The following PIGL variants were observed in gnomAD, a reference collection of about 807,000 sequenced individuals.
PIGL encodes the protein phosphatidylinositol glycan anchor biosynthesis class L.
A neutral mutation model predicts 31.1 loss-of-function variants in PIGL; 22 were observed. That is an observed-to-expected ratio of 0.71 (90% CI 0.51 to 1.01). The LOEUF is 1.01. Ranked by LOEUF, PIGL falls within the 50% of genes least tolerant of loss-of-function variation. The probability of loss-of-function intolerance (pLI) is 0.00; values close to 1 mark genes in which losing one functional copy is unlikely to be tolerated. For synonymous variants in PIGL, 131 were observed against 117.4 expected (o/e 1.12, Z -0.75); for missense variants, 302 against 315.9 (o/e 0.96, Z 0.33).
intron 2 of PIGL, among the ~76,000 whole-genome samples, chr17:16,290,460 T>TA (rs1465979666): frequency 1.3e-5 from 2 of 151,510 alleles, no homozygotes; most frequent in African/African-American, 4.9e-5. Flanking sequence ...GTGGTGTGGT[T>TA]ATGGTTCACT....
chr17:16,282,004 G>T (rs761445790), intron 2 of PIGL: 6 of 509,338 alleles, frequency 1.2e-5, no homozygotes, highest in Non-Finnish European at 2.5e-5. Context: ...GTCCATGGGG[G>T]CACTGCTAAG....
intron 2 of PIGL, among the ~76,000 whole-genome samples, chr17:16,247,636 G>A (rs2092754248): frequency 6.6e-6 from 1 of 152,192 alleles, no homozygotes; most frequent in South Asian, 2.1e-4. Context: ...TAGTCCTTCT[G>A]ATCTCTGGAT....
At chr17:16,319,112 C>T (rs1471469256) in intron 6 of PIGL, among the ~76,000 whole-genome samples, 1 of 148,352 alleles carries the variant, frequency 6.7e-6, no homozygotes, top group Non-Finnish European at 1.5e-5. Context: ...GTGGTCCCAG[C>T]TACTCGGGTA....
chr17:16,303,990 AG>A (rs2093016403), intron 3 of PIGL, among the ~76,000 whole-genome samples: 2 of 152,164 alleles, frequency 1.3e-5, no homozygotes, highest in South Asian at 4.1e-4. Context: ...CTGGGATTAC[AG>A]GTGTAAGCCA....
chr17:16,217,632 TG>T, intron 1 of PIGL, 171 bp downstream of exon 1: 5 of 540,078 alleles, frequency 9.3e-6, no homozygotes, highest in South Asian at 5.8e-5. Flanking sequence ...CCGGCTTACC[TG>T]GTGGGTTGGG....
chr17:16,240,848 C>A (rs1037273311), intron 2 of PIGL, among the ~76,000 whole-genome samples: 2 of 143,816 alleles, frequency 1.4e-5, no homozygotes, highest in African/African-American at 5.4e-5. Context: ...GTGGCTCACG[C>A]CTCTAATCCC....
At chr17:16,317,482 T>C in intron 5 of PIGL, 1 of 1,132,266 alleles carries the variant, frequency 8.8e-7, no homozygotes, top group Non-Finnish European at 1.1e-6. Flanking sequence ...CTGTCTCCTT[T>C]ACTTCCTTTG....
chr17:16,315,948 G>T (rs947492513), intron 4 of PIGL, among the ~76,000 whole-genome samples: 1 of 151,824 alleles, frequency 6.6e-6, no homozygotes, highest in East Asian at 1.9e-4. Context: ...CGCTTGCCTC[G>T]GCCTCCCAAA....
chr17:16,230,060 A>G (rs538988496), intron 1 of PIGL, among the ~76,000 whole-genome samples: 4 of 152,026 alleles, frequency 2.6e-5, no homozygotes, highest in African/African-American at 7.2e-5. Flanking sequence ...ATGGGGTTTC[A>G]CTATGTTGGC....
At chr17:16,258,839 G>A (rs771684265) in intron 2 of PIGL, among the ~76,000 whole-genome samples, 1 of 152,148 alleles carries the variant, frequency 6.6e-6, no homozygotes, top group Non-Finnish European at 1.5e-5. Context: ...AATGAATTTA[G>A]TTAGCTCACC....
chr17:16,262,702 T>G (rs2092824192), intron 2 of PIGL, among the ~76,000 whole-genome samples: 1 of 152,086 alleles, frequency 6.6e-6, no homozygotes, highest in Admixed American at 6.6e-5. Flanking sequence ...GACTAGCAAT[T>G]CTCTTTCTAG....
At chr17:16,300,491 G>A (rs2093000042) in intron 3 of PIGL, among the ~76,000 whole-genome samples, 1 of 152,134 alleles carries the variant, frequency 6.6e-6, no homozygotes. Flanking sequence ...GACCAGCCTG[G>A]CCAGCATGGT....
intron 2 of PIGL, among the ~76,000 whole-genome samples, chr17:16,257,814 C>T (rs2092800669): frequency 6.6e-6 from 1 of 151,960 alleles, no homozygotes; most frequent in Non-Finnish European, 1.5e-5. Context: ...CCTGTAATCC[C>T]AGCACTTTGG....
At chr17:16,239,951 C>T (rs1468157699) in intron 2 of PIGL, among the ~76,000 whole-genome samples, 5 of 152,174 alleles carry the variant, frequency 3.3e-5, no homozygotes, top group Non-Finnish European at 7.4e-5. Flanking sequence ...GATGGGTTCT[C>T]CCTGAATTAC....
chr17:16,288,229 G>A (rs1373831694), intron 2 of PIGL, among the ~76,000 whole-genome samples: 1 of 151,356 alleles, frequency 6.6e-6, no homozygotes, highest in African/African-American at 2.4e-5. Flanking sequence ...CTTTCGAGAC[G>A]AAGTCTCACT....
intron 2 of PIGL, among the ~76,000 whole-genome samples, chr17:16,240,368 A>T (rs918413002): frequency 6.6e-6 from 1 of 152,024 alleles, no homozygotes; most frequent in Non-Finnish European, 1.5e-5. Flanking sequence ...TAGCAATGTG[A>T]GAAGGAACTA....
At chr17:16,243,132 C>T (rs1468104409) in intron 2 of PIGL, among the ~76,000 whole-genome samples, 1 of 152,106 alleles carries the variant, frequency 6.6e-6, no homozygotes, top group Non-Finnish European at 1.5e-5. Context: ...CTCACAGCAA[C>T]CTCCACCTCT....
At chr17:16,291,640 C>T (rs372746701) in intron 2 of PIGL, among the ~76,000 whole-genome samples, 108 of 151,822 alleles carry the variant, frequency 7.1e-4, no homozygotes, top group East Asian at 3.1e-3. Flanking sequence ...CAGAGGAGGG[C>T]GGGTCACCTG....
At chr17:16,272,408 T>A (rs2092876719) in intron 2 of PIGL, among the ~76,000 whole-genome samples, 1 of 152,208 alleles carries the variant, frequency 6.6e-6, no homozygotes, top group African/African-American at 2.4e-5. Flanking sequence ...TCTATTCCTA[T>A]TGTATTATTT....
Sources: allele counts gnomAD v4.1 joint callset (sites outside exome capture counted in the v4.1 genomes callset), GRCh38; gene constraint gnomAD v4.1.1; transcripts MANE v1.5; gene names NCBI Gene and HGNC (gene_info 2026-07-23, HGNC 2026-07-21).